AP3B1: variants seen among roughly 807,000 people sequenced by gnomAD.
The protein encoded by AP3B1 is adaptor related protein complex 3 subunit beta 1.
A neutral mutation model predicts 132.5 loss-of-function variants in AP3B1; 61 were observed. The observed-to-expected ratio is 0.46, with a 90% CI of 0.37 to 0.57. The LOEUF (loss-of-function observed/expected upper bound fraction) is 0.57, where lower values mean the gene tolerates loss of function less well. Ranked by LOEUF, AP3B1 falls within the 20% of genes least tolerant of loss-of-function variation. AP3B1 has a pLI of 0.00. For synonymous variants in AP3B1, 388 were observed against 438.3 expected (o/e 0.89, Z 1.43); for missense variants, 1,120 against 1,289.4 (o/e 0.87, Z 2.01).
chr5:78,018,247 T>C (rs921104956), intron 25 of AP3B1, among the ~76,000 whole-genome samples: 1 of 151,996 alleles, frequency 6.6e-6, no homozygotes, highest in Non-Finnish European at 1.5e-5. Flanking sequence ...ATGCTTCTGA[T>C]GGAGGCTTAT....
chr5:78,001,875 A>AC (rs1475696495), downstream of AP3B1: 6 of 152,238 alleles, frequency 3.9e-5, no homozygotes, highest in Non-Finnish European at 8.8e-5. Flanking sequence ...ATTATAGAAC[A>AC]ACCTTGAAAA....
At chr5:78,089,530 G>T (rs1353715984) in intron 21 of AP3B1, 31 bp from the exon 22 acceptor site, 3 of 1,347,210 alleles carry the variant, frequency 2.2e-6, no homozygotes, top group African/African-American at 2.9e-5. Flanking sequence ...TAGTAAATGT[G>T]CATGAACGTT....
intron 2 of AP3B1, among the ~76,000 whole-genome samples, chr5:78,243,910 A>G (rs1176897643): frequency 6.6e-6 from 1 of 152,244 alleles, no homozygotes; most frequent in Non-Finnish European, 1.5e-5. Context: ...GAGGAAAGAC[A>G]TCATTAAATA....
At chr5:78,124,513 T>C (rs558743213) in intron 17 of AP3B1, among the ~76,000 whole-genome samples, 6 of 152,282 alleles carry the variant, frequency 3.9e-5, no homozygotes, top group South Asian at 4.1e-4. Flanking sequence ...AGTTTGAGGC[T>C]GCAGTGAGCT....
At chr5:78,250,569 G>T (rs1307461132) in intron 2 of AP3B1, among the ~76,000 whole-genome samples, 1 of 151,948 alleles carries the variant, frequency 6.6e-6, no homozygotes, top group East Asian at 1.9e-4. Context: ...GAAAAATAAA[G>T]ATAAATAACT....
intron 7 of AP3B1, among the ~76,000 whole-genome samples, chr5:78,200,293 T>G (rs989571787): frequency 2.0e-5 from 3 of 151,992 alleles, no homozygotes; most frequent in Non-Finnish European, 2.9e-5. Flanking sequence ...GCTCCAACCT[T>G]GATTTTTGAT....
At chr5:78,243,273 CCATTCATTCATTCATTCATT>C (rs148044734) in intron 2 of AP3B1, among the ~76,000 whole-genome samples, 1 of 151,702 alleles carries the variant, frequency 6.6e-6, no homozygotes, top group Non-Finnish European at 1.5e-5. Flanking sequence ...AGGACCCCTG[CCATTCATTCATTCATTCATT>C]CATTCATTCA....
intron 22 of AP3B1, among the ~76,000 whole-genome samples, chr5:78,059,857 A>G (rs1039537228): frequency 2.0e-5 from 3 of 152,164 alleles, no homozygotes; most frequent in Non-Finnish European, 2.9e-5. Flanking sequence ...ATTTAGTATG[A>G]ATCTTTCTGG....
intron 21 of AP3B1, among the ~76,000 whole-genome samples, chr5:78,099,681 G>A (rs960375650): frequency 6.6e-6 from 1 of 152,060 alleles, no homozygotes; most frequent in African/African-American, 2.4e-5. Flanking sequence ...TGGATCACGA[G>A]GTCAGGAAAT....
chr5:78,131,137 C>T (rs1217868250), intron 15 of AP3B1, among the ~76,000 whole-genome samples: 1 of 151,318 alleles, frequency 6.6e-6, no homozygotes, highest in African/African-American at 2.4e-5. Context: ...TGCACTAAAA[C>T]CATAAGCAGA....
At chr5:78,017,816 A>C (rs1362691420) in intron 25 of AP3B1, among the ~76,000 whole-genome samples, 2 of 152,048 alleles carry the variant, frequency 1.3e-5, no homozygotes, top group African/African-American at 4.8e-5. Context: ...ATATTTAAAA[A>C]CTGTAGGCTA....
intron 22 of AP3B1, 50 bp from the exon 23 acceptor site, chr5:78,039,324 T>G (rs1352051110): frequency 1.4e-6 from 2 of 1,411,300 alleles, no homozygotes; most frequent in Non-Finnish European, 2.0e-6. Flanking sequence ...AATATAATTA[T>G]TCTTTTAGAA....
intron 7 of AP3B1, among the ~76,000 whole-genome samples, chr5:78,198,480 G>A (rs1250030541): frequency 2.0e-5 from 3 of 152,100 alleles, no homozygotes; most frequent in African/African-American, 7.2e-5. Flanking sequence ...ACCTCATATG[G>A]TGGAAGAGAG....
At chr5:78,189,270 T>C (rs77199279) in intron 7 of AP3B1, among the ~76,000 whole-genome samples, 4,426 of 152,194 alleles carry the variant, frequency 0.029, 218 homozygotes, top group African/African-American at 0.1. Context: ...TTTAAACTTA[T>C]GTAAATGTTT....
intron 7 of AP3B1, among the ~76,000 whole-genome samples, chr5:78,195,953 C>T (rs1161596257): frequency 6.6e-6 from 1 of 152,094 alleles, no homozygotes; most frequent in Non-Finnish European, 1.5e-5. Flanking sequence ...ACATAGGAAT[C>T]TAGATGACCT....
At chr5:78,014,026 G>A (rs1314742722) in intron 26 of AP3B1, among the ~76,000 whole-genome samples, 1 of 152,250 alleles carries the variant, frequency 6.6e-6, no homozygotes, top group Non-Finnish European at 1.5e-5. Flanking sequence ...AGCCGGGCGT[G>A]GTGCCGGGTG....
chr5:78,057,678 G>T (rs577254586), intron 22 of AP3B1, among the ~76,000 whole-genome samples: 2 of 152,092 alleles, frequency 1.3e-5, no homozygotes, highest in Non-Finnish European at 2.9e-5. Flanking sequence ...TTTATTCTAT[G>T]ATTTACTTAA....
chr5:78,064,377 T>A (rs545312129), intron 22 of AP3B1, among the ~76,000 whole-genome samples: 106 of 152,166 alleles, frequency 7.0e-4, no homozygotes, highest in Non-Finnish European at 1.4e-3. Flanking sequence ...TAATCTTGTA[T>A]TATAAAGGCA....
chr5:78,117,772 C>G (rs926238073), intron 17 of AP3B1, among the ~76,000 whole-genome samples: 3 of 152,150 alleles, frequency 2.0e-5, no homozygotes, highest in Non-Finnish European at 4.4e-5. Context: ...ATATGAGCCC[C>G]TTTAACCACT....
Sources: allele counts gnomAD v4.1 joint callset (sites outside exome capture counted in the v4.1 genomes callset), GRCh38; gene constraint gnomAD v4.1.1; transcripts MANE v1.5; gene names NCBI Gene and HGNC (gene_info 2026-07-23, HGNC 2026-07-21).